The following NDST4 variants were observed in gnomAD, a reference collection of about 807,000 sequenced individuals.
NDST4 encodes N-heparan sulfate sulfotransferase 4.
In NDST4, 63 loss-of-function variants were observed where a neutral mutation model predicts 100.8. The ratio of observed to expected loss-of-function variants is 0.62; its 90% confidence interval spans 0.51 to 0.77. NDST4 has a LOEUF of 0.77. Ranked by LOEUF, NDST4 falls within the 30% of genes least tolerant of loss-of-function variation. NDST4 has a pLI of 0.00. For synonymous variants in NDST4, 377 were observed against 361.8 expected, an observed-to-expected ratio of 1.04 and a Z score of -0.48; for missense variants, 943 against 1,018.4, an observed-to-expected ratio of 0.93 and a Z score of 1.01.
chr4:115,082,656 AT>A (rs1368521540), intron 1 of NDST4, among the ~76,000 whole-genome samples: 1 of 152,186 alleles, frequency 6.6e-6, no homozygotes, highest in Non-Finnish European at 1.5e-5. Context: ...TATTCTTTGT[AT>A]TCATCATCCT....
At chr4:114,834,991 C>T (rs1294438169) in intron 11 of NDST4, among the ~76,000 whole-genome samples, 1 of 151,430 alleles carries the variant, frequency 6.6e-6, no homozygotes, top group Non-Finnish European at 1.5e-5. Flanking sequence ...CTATTCGATT[C>T]TTCTCTCTTT....
chr4:114,937,110 A>G (rs1301889118), intron 5 of NDST4, among the ~76,000 whole-genome samples: 1 of 152,188 alleles, frequency 6.6e-6, no homozygotes, highest in African/African-American at 2.4e-5. Context: ...CTTGTTTTAG[A>G]TTTGCCAAAG....
chr4:115,038,880 T>C (rs1324762409), intron 2 of NDST4, among the ~76,000 whole-genome samples: 1 of 151,928 alleles, frequency 6.6e-6, no homozygotes, highest in Non-Finnish European at 1.5e-5. Flanking sequence ...GGAGGCTGAG[T>C]GTGTTAGGAG....
At chr4:114,881,714 G>T (rs1471721303) in intron 6 of NDST4, among the ~76,000 whole-genome samples, 1 of 152,074 alleles carries the variant, frequency 6.6e-6, no homozygotes, top group Non-Finnish European at 1.5e-5. Flanking sequence ...TAGAATGAAA[G>T]TGCAGTGGCA....
intron 8 of NDST4, 139 bp downstream of exon 8, chr4:114,852,586 A>G: frequency 1.8e-6 from 1 of 569,948 alleles, no homozygotes; most frequent in African/African-American, 1.9e-5. Flanking sequence ...CATGGAGATG[A>G]CAAGCAGTTC....
At chr4:114,862,727 CGTT>C (rs1723944111) in intron 7 of NDST4, among the ~76,000 whole-genome samples, 1 of 152,040 alleles carries the variant, frequency 6.6e-6, no homozygotes, top group Non-Finnish European at 1.5e-5. Context: ...AAAGAGTTGT[CGTT>C]GTCTCCAACA....
At chr4:115,011,955 G>A (rs545933761) in intron 2 of NDST4, among the ~76,000 whole-genome samples, 2 of 151,832 alleles carry the variant, frequency 1.3e-5, no homozygotes, top group East Asian at 1.9e-4. Flanking sequence ...TTTACAAATA[G>A]GATACATGAA....
chr4:115,000,078 G>A lies in NDST4; in HGVS notation c.979-22804C>T, dbSNP rs1459231982. On this transcript the variant is annotated intron_variant, in intron 2 of 13. Transcript: ENST00000264363. ...TCTAATGCCATAGCATTAGCTATGT[G>A]TTTTGAAATGTTATACAAACCTGTG... Among the ~76,000 whole-genome samples the A allele has an allele frequency of 3.3e-5, 5 of 151,668 alleles. 1 individual carries two copies. Among genetic ancestry groups the A allele is most frequent in the Non-Finnish European group, 7.4e-5 (5 of 67,914 alleles).
At chr4:115,041,062 C>A (rs1454295224) in intron 2 of NDST4, among the ~76,000 whole-genome samples, 1 of 151,960 alleles carries the variant, frequency 6.6e-6, no homozygotes, top group Admixed American at 6.6e-5. Context: ...GGTATTCCAG[C>A]TATTAAATGA....
At position 115,050,514 on chromosome 4, in the gene NDST4, A is replaced by T. The variant is rs138910662; in HGVS notation, c.978+25545T>A. Among the ~76,000 whole-genome samples the T allele has an allele frequency of 1.5e-4, 23 of 152,234 alleles. No individual in the cohort carries two copies. In the East Asian group the frequency reaches 4.2e-3, roughly 28 times the overall value. On this transcript the variant is annotated intron_variant, in intron 2 of 13. Coordinates refer to ENST00000264363, the MANE Select transcript of NDST4 (RefSeq NM_022569.3). ...CTCCAGAATTTGCCCAGAAATATTCATGGTATTTATGGGGAATTAAAACTT... is the reference window on the plus strand; with the variant it reads ...CTCCAGAATTTGCCCAGAAATATTCTTGGTATTTATGGGGAATTAAAACTT...
intron 8 of NDST4, among the ~76,000 whole-genome samples, chr4:114,849,203 C>A (rs28533489): frequency 1.3e-5 from 2 of 152,126 alleles, no homozygotes; most frequent in Non-Finnish European, 2.9e-5. Flanking sequence ...AATCTCTGAA[C>A]CTTATTTCCC....
intron 2 of NDST4, among the ~76,000 whole-genome samples, chr4:115,000,044 A>C (rs1560852144): frequency 6.6e-6 from 1 of 151,892 alleles, no homozygotes; most frequent in Admixed American, 6.6e-5. Flanking sequence ...CTGTTATTCT[A>C]TGTTGTAATC....
chr4:115,012,775 C>T lies in NDST4; in HGVS notation c.979-35501G>A, dbSNP rs150122163. On this transcript the variant is annotated intron_variant, in intron 2 of 13. Coordinates refer to ENST00000264363, the MANE Select transcript of NDST4 (RefSeq NM_022569.3). ...GCAACATTATTCATAATAGCCAAAA[C>T]GTGGAAGCAATCTAATTGTTCATCA... Among the ~76,000 whole-genome samples, 294 of 151,878 alleles carry T rather than the reference C, an allele frequency of 1.9e-3. 1 individual carries two copies. The highest frequency in any genetic ancestry group is 6.7e-3 in the African/African-American group (277 of 41,472).
intron 13 of NDST4, among the ~76,000 whole-genome samples, chr4:114,829,322 A>G (rs1271964390): frequency 6.6e-6 from 1 of 151,442 alleles, no homozygotes; most frequent in Non-Finnish European, 1.5e-5. Flanking sequence ...AATACAAATC[A>G]GTGGATATAA....
At chr4:114,911,230 A>G (rs1166320374) in intron 6 of NDST4, among the ~76,000 whole-genome samples, 1 of 152,184 alleles carries the variant, frequency 6.6e-6, no homozygotes, top group Non-Finnish European at 1.5e-5. Context: ...TTTATTTCCA[A>G]CCACTTCTTT....
chr4:114,908,877 A>C (rs1329513786), intron 6 of NDST4, among the ~76,000 whole-genome samples: 3 of 152,188 alleles, frequency 2.0e-5, no homozygotes, highest in African/African-American at 7.2e-5. Flanking sequence ...ATAGTAAGGA[A>C]AATAAACCGT....
intron 6 of NDST4, among the ~76,000 whole-genome samples, chr4:114,886,789 A>C (rs1724488487): frequency 6.6e-6 from 1 of 152,178 alleles, no homozygotes; most frequent in Admixed American, 6.6e-5. Context: ...CAAGTACATG[A>C]TGCTGGGTTA....
chr4:115,001,941 C>A (rs538491078), intron 2 of NDST4, among the ~76,000 whole-genome samples: 3 of 152,300 alleles, frequency 2.0e-5, no homozygotes, highest in Admixed American at 6.5e-5. Flanking sequence ...TACTCCGTTA[C>A]TTATAAGCTC....
chr4:115,075,540 A>C (rs1486530261), intron 2 of NDST4, among the ~76,000 whole-genome samples: 1 of 152,152 alleles, frequency 6.6e-6, no homozygotes, highest in Non-Finnish European at 1.5e-5. Flanking sequence ...TAATCCCAGC[A>C]CTTTGGAAGG....
Sources: gnomAD v4.1 joint callset for allele counts (sites outside exome capture counted in the v4.1 genomes callset) on GRCh38, gnomAD v4.1.1 for gene constraint, MANE v1.5 for transcripts, NCBI Gene and HGNC (gene_info 2026-07-23, HGNC 2026-07-21) for gene names.